The following TOGARAM1 variants were observed in gnomAD, a reference collection of about 807,000 sequenced individuals.
The protein encoded by TOGARAM1 is TOG array regulator of axonemal microtubules protein 1.
In TOGARAM1, 100 loss-of-function variants were observed where a neutral mutation model predicts 166.6. The ratio of observed to expected loss-of-function variants is 0.60; its 90% CI spans 0.51 to 0.71. The LOEUF (loss-of-function observed/expected upper bound fraction) is 0.71. Among genes scored for constraint, TOGARAM1 ranks in the 30% least tolerant of loss-of-function variants. TOGARAM1 has a pLI of 0.00. For missense variants in TOGARAM1, 2,029 were observed against 2,102.7 expected, an observed-to-expected ratio of 0.96 and a Z score of 0.69; for synonymous variants, 758 against 763.8, an observed-to-expected ratio of 0.99 and a Z score of 0.13.
At chr14:44,992,958 A>G (rs1351882937) in intron 1 of TOGARAM1, among the ~76,000 whole-genome samples, 2 of 151,526 alleles carry the variant, frequency 1.3e-5, no homozygotes, top group African/African-American at 4.8e-5. Context: ...CAGGGATTCA[A>G]ATAGAAAGAC....
At chr14:44,998,991 GAA>G (rs764679511) in intron 2 of TOGARAM1, among the ~76,000 whole-genome samples, 1 of 152,268 alleles carries the variant, frequency 6.6e-6, no homozygotes, top group East Asian at 1.9e-4. Flanking sequence ...AAGTAGAAAG[GAA>G]AAGAGTTTGG....
chr14:45,032,092 G>A, intron 10 of TOGARAM1, 131 bp from the exon 11 acceptor site: 4 of 706,460 alleles, frequency 5.7e-6, no homozygotes, highest in Middle Eastern at 4.1e-4. Flanking sequence ...GCAGGGAAGT[G>A]GAGGTTGCAG....
chr14:45,070,675 T>C (rs1341863364), intron 18 of TOGARAM1, among the ~76,000 whole-genome samples: 2 of 152,178 alleles, frequency 1.3e-5, no homozygotes, highest in African/African-American at 2.4e-5. Flanking sequence ...AAGTTATTAG[T>C]AGTTAAGTTT....
chr14:45,073,671 C>T lies in TOGARAM1; in HGVS notation c.*110C>T, dbSNP rs1236695328. 9.9e-7 allele frequency: 1 copy of T among 1,006,772 alleles called. No individual in the cohort carries two copies. The highest frequency in any genetic ancestry group is 1.4e-6 in the Non-Finnish European group (1 of 701,932). 62.4% of individuals were successfully genotyped at this position (1,006,772 alleles called of 1,614,324 possible). ...GCACTTCACATCCAGCAAATTAAGT[C>T]AATGGCTATTTTTATTTGCAGCCTA... is the stretch of plus-strand genomic sequence containing the variant. On this transcript the variant is annotated 3_prime_UTR_variant, in exon 20 of 20. Transcript: ENST00000361462.
intron 7 of TOGARAM1, among the ~76,000 whole-genome samples, chr14:45,024,057 A>C (rs1447627805): frequency 6.6e-6 from 1 of 152,116 alleles, no homozygotes; most frequent in Non-Finnish European, 1.5e-5. Context: ...CATAACTTTT[A>C]AGACCCTTAA....
At position 44,964,208 on chromosome 14, in the gene TOGARAM1, C is replaced by A. The variant is rs760515287; in HGVS notation, c.1787C>A (p.Ser596Tyr). ...GAATATGCAGTACTGATGCCATCTT[C>A]TGCCGGGGGTAGGTCAAACCATTTG... ...FVEYAVLMPS[S>Y]AGGRSNHLAH... The change falls in exon 1 of 20, where the codon TCT becomes TAT. Residue 596 changes from serine to tyrosine, a missense_variant. Ser to Tyr is a moderately radical substitution (Grantham distance 144). This residue lies in a region of TOGARAM1 where 1,453 missense variants were observed against 1,432.2 expected (regional missense o/e 1.01). Coordinates refer to ENST00000361462, the MANE Select transcript of TOGARAM1 (RefSeq NM_001308120.2). The A allele has an allele frequency of 3.1e-6, 5 of 1,614,082 alleles. No homozygotes were observed. The African/African-American group carries it at 6.7e-5, about 22-fold the overall frequency.
At chr14:45,045,559 A>G (rs371178353) in intron 13 of TOGARAM1, among the ~76,000 whole-genome samples, 4,272 of 43,542 alleles carry the variant, frequency 0.098, 375 homozygotes, top group East Asian at 0.25. Flanking sequence ...ATATATATAT[A>G]TATATATATA....
intron 1 of TOGARAM1, among the ~76,000 whole-genome samples, chr14:44,975,413 T>A (rs1233747413): frequency 6.6e-6 from 1 of 152,194 alleles, no homozygotes; most frequent in Non-Finnish European, 1.5e-5. Flanking sequence ...TTAGGTTCCA[T>A]ATTTTCTCCA....
chr14:45,059,409 A>T (rs1028563141), intron 16 of TOGARAM1, among the ~76,000 whole-genome samples: 3 of 152,194 alleles, frequency 2.0e-5, no homozygotes, highest in African/African-American at 7.2e-5. Flanking sequence ...GCACTTTGGG[A>T]GGCTGAGGTG....
chr14:45,073,826 T>A lies in TOGARAM1; in HGVS notation c.*265T>A. The A allele has an allele frequency of 3.1e-6, 1 of 318,762 alleles. No individual in the cohort carries two copies. Among genetic ancestry groups the A allele is most frequent in the Non-Finnish European group, 5.8e-6 (1 of 173,132 alleles). The allele number at this position is 318,762 out of a possible 1,614,324, so 19.7% of individuals were successfully genotyped here. A position where few individuals can be genotyped will look rare whatever the true frequency, so the allele number is the denominator to read the frequency against. ...TCAATTTTAATATTTTTGAGAAAAG[T>A]CCTGCTCATTTGCACTATTCTATAG... is the stretch of plus-strand genomic sequence containing the variant. On this transcript the variant is annotated 3_prime_UTR_variant, in exon 20 of 20. Transcript: ENST00000361462.
chr14:45,016,380 C>CT (rs1014376066), intron 7 of TOGARAM1, among the ~76,000 whole-genome samples: 18 of 152,086 alleles, frequency 1.2e-4, no homozygotes, highest in African/African-American at 4.1e-4. Context: ...TGGGGAGACT[C>CT]TGTCTTAAAA....
chr14:44,975,667 A>G (rs573679624), intron 1 of TOGARAM1, among the ~76,000 whole-genome samples: 2 of 151,382 alleles, frequency 1.3e-5, no homozygotes, highest in Admixed American at 6.6e-5. Context: ...GGGTTTCACC[A>G]TGTTGGCCAG....
intron 7 of TOGARAM1, among the ~76,000 whole-genome samples, chr14:45,025,065 C>T (rs921875053): frequency 2.6e-5 from 4 of 152,160 alleles, no homozygotes; most frequent in African/African-American, 9.7e-5. Flanking sequence ...CCCCATGGAA[C>T]TTACAGTCTA....
In TOGARAM1 at chr14:45,005,989, A is replaced by T. The variant is rs752060718; in HGVS notation, c.2645-19A>T. The T allele has an allele frequency of 3.3e-6, 5 of 1,526,390 alleles. No homozygotes were observed. The African/African-American group carries it at 4.2e-5, about 13-fold the overall frequency. The allele number at this position is 1,526,390 out of a possible 1,614,324, so 94.6% of individuals were successfully genotyped here. A position where few individuals can be genotyped will look rare whatever the true frequency, so the allele number is the denominator to read the frequency against. ...TAAAATTAGAAAAAGAAAAAGTAAAATATCTATTTTTCATGCAGGAGAAAA... is the reference window on the plus strand; with the variant it reads ...TAAAATTAGAAAAAGAAAAAGTAAATTATCTATTTTTCATGCAGGAGAAAA... On this transcript the variant is annotated intron_variant, in intron 4 of 19. Coordinates refer to ENST00000361462, the MANE Select transcript of TOGARAM1 (RefSeq NM_001308120.2).
At chr14:44,984,677 A>G (rs909047487) in intron 1 of TOGARAM1, among the ~76,000 whole-genome samples, 7 of 151,934 alleles carry the variant, frequency 4.6e-5, no homozygotes, top group Non-Finnish European at 8.8e-5. Flanking sequence ...TGGGAAGCTG[A>G]CGTAGAAGGA....
chr14:45,019,437 TGG>T (rs1880358532), intron 7 of TOGARAM1, among the ~76,000 whole-genome samples: 1 of 151,350 alleles, frequency 6.6e-6, no homozygotes, highest in South Asian at 2.1e-4. Flanking sequence ...AACTAACACC[TGG>T]AAAAAAAAAA....
At chr14:44,988,084 A>T (rs943782566) in intron 1 of TOGARAM1, among the ~76,000 whole-genome samples, 4 of 133,248 alleles carry the variant, frequency 3.0e-5, no homozygotes, top group Non-Finnish European at 6.2e-5. Flanking sequence ...GAAGGGGGAC[A>T]TCACACACTG....
At chr14:45,048,289 C>T (rs1882183195) in intron 14 of TOGARAM1, among the ~76,000 whole-genome samples, 2 of 123,736 alleles carry the variant, frequency 1.6e-5, no homozygotes, top group Non-Finnish European at 3.2e-5. Context: ...GCACTCCAGC[C>T]TAGAGACAGA....
At chr14:44,985,914 T>A (rs1201961675) in intron 1 of TOGARAM1, among the ~76,000 whole-genome samples, 1 of 152,206 alleles carries the variant, frequency 6.6e-6, no homozygotes. Context: ...TCAATTTTAG[T>A]CCAAAATCTT....
Sources: allele counts gnomAD v4.1 joint callset (sites outside exome capture counted in the v4.1 genomes callset), GRCh38; gene constraint gnomAD v4.1.1; regional missense constraint gnomAD v4.1.1; transcripts MANE v1.5; gene names NCBI Gene and HGNC (gene_info 2026-07-23, HGNC 2026-07-21).